HNRNPUL2: variants seen among roughly 807,000 people sequenced by gnomAD.
HNRNPUL2 encodes the protein heterogeneous nuclear ribonucleoprotein U like 2.
In HNRNPUL2, 27 loss-of-function variants were observed where a neutral mutation model predicts 102.2. That is an observed-to-expected ratio of 0.26 (90% CI 0.19 to 0.36). The LOEUF is 0.36. Among genes scored for constraint, HNRNPUL2 ranks in the 10% least tolerant of loss-of-function variants. The pLI is 1.00. For synonymous variants in HNRNPUL2, 458 were observed against 387.2 expected, an observed-to-expected ratio of 1.18 and a Z score of -2.15; for missense variants, 936 against 981.1, an observed-to-expected ratio of 0.95 and a Z score of 0.61.
At chr11:62,717,341 A>G in intron 10 of HNRNPUL2, 152 bp from the exon 11 acceptor site, 1 of 627,092 alleles carries the variant, frequency 1.6e-6, no homozygotes. Flanking sequence ...GCATCTAAAT[A>G]ATGACATTAA....
chr11:62,714,322 CTG>C lies in HNRNPUL2; in HGVS notation c.*975_*976del, dbSNP rs2083642200. The C allele has an allele frequency of 6.6e-6, 1 of 152,180 alleles. No individual in the cohort carries two copies. The highest frequency in any genetic ancestry group is 2.4e-5 in the African/African-American group (1 of 41,432). 9.4% of individuals were successfully genotyped at this position (152,180 alleles called of 1,614,324 possible). ...TCCCGCTGCAGTGAAAAGAATCCTG[CTG>C]TGTTTTCGTGTGAGCTGAAACCCTG... On this transcript the variant is annotated 3_prime_UTR_variant, in exon 14 of 14. Transcript: ENST00000301785.
rs1188664430 is a variant in HNRNPUL2 at position 62,722,479 on chromosome 11, GTAAC to G, written c.1096-103_1096-100del. 5.4e-6 allele frequency: 8 copies of G among 1,483,090 alleles called. No homozygotes were observed. The African/African-American group carries it at 8.4e-5, about 15-fold the overall frequency. 91.9% of individuals were successfully genotyped at this position (1,483,090 alleles called of 1,614,324 possible). A position where few individuals can be genotyped will look rare whatever the true frequency, so the allele number is the denominator to read the frequency against. ...TTTTTCACACAGACTGCTGCACAAAGTAACTAAGCGAGCCACACACATCACATGC... is the reference window on the plus strand; with the variant it reads ...TTTTTCACACAGACTGCTGCACAAAGTAAGCGAGCCACACACATCACATGC... On this transcript the variant is annotated intron_variant, in intron 6 of 13. Transcript: ENST00000301785.
chr11:62,723,129 T>A (rs1338695025), intron 4 of HNRNPUL2, among the ~76,000 whole-genome samples: 7 of 152,218 alleles, frequency 4.6e-5, no homozygotes, highest in Non-Finnish European at 8.8e-5. Context: ...AATAAAAGCC[T>A]GATTGGACAG....
At chr11:62,718,935 C>T (rs1264369454) in intron 10 of HNRNPUL2, among the ~76,000 whole-genome samples, 2 of 151,688 alleles carry the variant, frequency 1.3e-5, no homozygotes, top group African/African-American at 2.4e-5. Flanking sequence ...AAGCAATTCT[C>T]TGCCTCAGCC....
At chr11:62,725,387 CAG>C (rs1429339323) in intron 1 of HNRNPUL2, among the ~76,000 whole-genome samples, 1 of 152,138 alleles carries the variant, frequency 6.6e-6, no homozygotes, top group African/African-American at 2.4e-5. Context: ...TTACTAGAGA[CAG>C]GGGTTTCACC....
intron 1 of HNRNPUL2, among the ~76,000 whole-genome samples, chr11:62,725,275 G>A (rs553264446): frequency 6.6e-6 from 1 of 152,246 alleles, no homozygotes; most frequent in African/African-American, 2.4e-5. Flanking sequence ...TCAGCTCACC[G>A]CAACCTCCGC....
At chr11:62,721,777 G>A (rs1379298033) in intron 8 of HNRNPUL2, 43 bp downstream of exon 8, 3 of 1,603,918 alleles carry the variant, frequency 1.9e-6, no homozygotes, top group South Asian at 2.2e-5. Context: ...GGTTATAAGA[G>A]TCTCCAAATA....
chr11:62,715,848 G>C lies in HNRNPUL2; in HGVS notation c.2055+16C>G. 1.2e-6 allele frequency: 2 copies of C among 1,610,492 alleles called. No homozygotes were observed. The highest frequency in any genetic ancestry group is 1.7e-6 in the Non-Finnish European group (2 of 1,176,788). The stretch of plus-strand genomic sequence containing the variant: ...TCACAGCCCAGAGTGAGGAGCAGAA[G>C]GAGAGCTGCACTCACCCCTCTGTTT... On this transcript the variant is annotated intron_variant, in intron 12 of 13. Coordinates refer to ENST00000301785, the MANE Select transcript of HNRNPUL2 (RefSeq NM_001079559.3).
At position 62,727,170 on chromosome 11, in the gene HNRNPUL2, T is replaced by A; in HGVS notation, c.-14A>T. ...CTTCACCTCCATCGCCGCCGCCGCC[T>A]CCTCCGCCTCCCGCCGCCTCCTCCC... On this transcript the variant is annotated 5_prime_UTR_variant, in exon 1 of 14. Coordinates refer to ENST00000301785, the MANE Select transcript of HNRNPUL2 (RefSeq NM_001079559.3). The A allele has an allele frequency of 7.1e-7, 1 of 1,411,012 alleles. No homozygotes were observed. The highest frequency in any genetic ancestry group is 9.2e-7 in the Non-Finnish European group (1 of 1,083,054). The allele number at this position is 1,411,012 out of a possible 1,614,324, so 87.4% of individuals were successfully genotyped here. A position where few individuals can be genotyped will look rare whatever the true frequency, so the allele number is the denominator to read the frequency against.
intron 9 of HNRNPUL2, 38 bp from the exon 10 acceptor site, chr11:62,720,229 A>AT (rs2083690204): frequency 6.3e-7 from 1 of 1,592,782 alleles, no homozygotes; most frequent in Non-Finnish European, 8.6e-7. Flanking sequence ...TAGGAAGAAA[A>AT]TTATCACTCA....
rs976800927 is a variant in HNRNPUL2 at position 62,716,901 on chromosome 11, G to A, written c.1981+88C>T. 5 of 1,361,614 alleles carry A rather than the reference G, an allele frequency of 3.7e-6. No individual in the cohort carries two copies. The East Asian group carries it at 1.1e-4, about 31-fold the overall frequency. 84.3% of individuals were successfully genotyped at this position (1,361,614 alleles called of 1,614,324 possible). On this transcript the variant is annotated intron_variant, in intron 11 of 13. Coordinates refer to ENST00000301785, the MANE Select transcript of HNRNPUL2 (RefSeq NM_001079559.3). ...TTCCGTATTGTTAATGACCTGACTTGGTTTCCTTGGCCTTCCCTTGCACAT... is the reference window on the plus strand; with the variant it reads ...TTCCGTATTGTTAATGACCTGACTTAGTTTCCTTGGCCTTCCCTTGCACAT...
In HNRNPUL2 at chr11:62,715,857, C is replaced by T. The variant is rs201181290; in HGVS notation, c.2055+7G>A. Reference sequence around the variant, plus strand: ...AGAGTGAGGAGCAGAAGGAGAGCTGCACTCACCCCTCTGTTTCCAGGCTGC... The same window carrying T: ...AGAGTGAGGAGCAGAAGGAGAGCTGTACTCACCCCTCTGTTTCCAGGCTGC... On this transcript the variant is annotated splice_region_variant and intron_variant, in intron 12 of 13. Coordinates refer to ENST00000301785, the MANE Select transcript of HNRNPUL2 (RefSeq NM_001079559.3). 1 of 1,612,346 alleles carries T rather than the reference C, an allele frequency of 6.2e-7. No individual in the cohort carries two copies. Among genetic ancestry groups the T allele is most frequent in the East Asian group, 2.2e-5 (1 of 44,890 alleles).
intron 4 of HNRNPUL2, 129 bp downstream of exon 4, chr11:62,723,458 T>G (rs897051743): frequency 3.8e-5 from 38 of 987,860 alleles, no homozygotes; most frequent in Non-Finnish European, 5.4e-5. Context: ...GCCACTGGAC[T>G]CCAGCCTGGG....
At position 62,720,204 on chromosome 11, in the gene HNRNPUL2, G is replaced by A; in HGVS notation, c.1612-13C>T. 7 of 1,610,784 alleles carry A rather than the reference G, an allele frequency of 4.3e-6. No individual in the cohort carries two copies. The highest frequency in any genetic ancestry group is 2.2e-5 in the South Asian group (2 of 90,940). Reference sequence around the variant, plus strand: ...TGTACACATTACACTAAGAACAGGAGGAATAACTGATGTTTAGGAAGAAAA... The same window carrying A: ...TGTACACATTACACTAAGAACAGGAAGAATAACTGATGTTTAGGAAGAAAA... On this transcript the variant is annotated splice_polypyrimidine_tract_variant and intron_variant, in intron 9 of 13. Coordinates refer to ENST00000301785, the MANE Select transcript of HNRNPUL2 (RefSeq NM_001079559.3).
In HNRNPUL2 at chr11:62,713,073, C is replaced by G. The variant is rs1248573573; in HGVS notation, c.*2226G>C. On this transcript the variant is annotated 3_prime_UTR_variant, in exon 14 of 14. Coordinates refer to ENST00000301785, the MANE Select transcript of HNRNPUL2 (RefSeq NM_001079559.3). Reference sequence around the variant, plus strand: ...AACAAGGATGTGGCAGTTTCACTTTCCACCCACCTAGAAAAACAGTTTTGT... The same window carrying G: ...AACAAGGATGTGGCAGTTTCACTTTGCACCCACCTAGAAAAACAGTTTTGT... 1 of 152,188 alleles carries G rather than the reference C, an allele frequency of 6.6e-6. No individual in the cohort carries two copies. Among genetic ancestry groups the G allele is most frequent in the Non-Finnish European group, 1.5e-5 (1 of 68,030 alleles). The allele number at this position is 152,188 out of a possible 1,614,324, so 9.4% of individuals were successfully genotyped here.
In HNRNPUL2 at chr11:62,727,015, C is replaced by T; in HGVS notation, c.142G>A (p.Gly48Ser). ...GCCCCGCCGGGCCCGGCCCCGCCGC[C>T]GCCGGCCTCGTCCTCGAGCATCTCG... ...DAEMLEDEAG[G>S]GGAGPGGACK... The change falls in exon 1 of 14, where the codon GGC becomes AGC. Residue 48 changes from glycine (G) to serine (S), a missense_variant. Physicochemically the swap from Gly to Ser is moderately conservative, Grantham distance 56. Transcript: ENST00000301785. 1.5e-6 allele frequency: 2 copies of T among 1,372,036 alleles called. No homozygotes were observed. Among genetic ancestry groups the T allele is most frequent in the Non-Finnish European group, 1.9e-6 (2 of 1,063,168 alleles). 85.0% of individuals were successfully genotyped at this position (1,372,036 alleles called of 1,614,324 possible). A position where few individuals can be genotyped will look rare whatever the true frequency, so the allele number is the denominator to read the frequency against.
At chr11:62,715,785 G>A in intron 12 of HNRNPUL2, 79 bp downstream of exon 12, 2 of 1,390,972 alleles carry the variant, frequency 1.4e-6, no homozygotes, top group East Asian at 2.3e-5. Flanking sequence ...AAGAAAACAG[G>A]CAAACCACTC....
intron 4 of HNRNPUL2, 46 bp from the exon 5 acceptor site, chr11:62,722,949 G>A (rs939485474): frequency 1.4e-6 from 2 of 1,452,108 alleles, no homozygotes; most frequent in African/African-American, 2.8e-5. Context: ...GACCAACTGA[G>A]TAGCAAACTC....
intron 10 of HNRNPUL2, among the ~76,000 whole-genome samples, chr11:62,717,578 G>A (rs538919749): frequency 1.8e-4 from 27 of 152,276 alleles, no homozygotes; most frequent in Admixed American, 1.4e-3. Context: ...AGAGATGGCC[G>A]GGCATGGTGG....
Sources: allele counts gnomAD v4.1 joint callset (sites outside exome capture counted in the v4.1 genomes callset), GRCh38; gene constraint gnomAD v4.1.1; transcripts MANE v1.5; gene names NCBI Gene and HGNC (gene_info 2026-07-23, HGNC 2026-07-21).